Variants in FSTL4 observed in about 807,000 individuals in gnomAD.
FSTL4 encodes the protein follistatin-related protein 4.
FSTL4 carries 28 observed loss-of-function variants against 78.2 expected under a neutral mutation model. The ratio of observed to expected loss-of-function variants is 0.36; its 90% CI spans 0.27 to 0.49. The LOEUF (loss-of-function observed/expected upper bound fraction) is 0.49. FSTL4 is among the 20% of genes least tolerant of loss of function. The probability of loss-of-function intolerance (pLI) is 0.98; values close to 1 mark genes in which losing one functional copy is unlikely to be tolerated. For missense variants in FSTL4, 922 were observed against 1,084.9 expected, an observed-to-expected ratio of 0.85 and a Z score of 2.11; for synonymous variants, 422 against 440.5, an observed-to-expected ratio of 0.96 and a Z score of 0.53.
intron 4 of FSTL4, among the ~76,000 whole-genome samples, chr5:133,328,563 T>A (rs545208246): frequency 1.6e-4 from 24 of 152,274 alleles, no homozygotes; most frequent in African/African-American, 5.8e-4. Flanking sequence ...AGAACTTTAT[T>A]TTTTACTATT....
At chr5:133,527,776 C>T (rs936646531) in intron 3 of FSTL4, among the ~76,000 whole-genome samples, 5 of 152,194 alleles carry the variant, frequency 3.3e-5, no homozygotes, top group African/African-American at 1.2e-4. Context: ...GGAGTGATAA[C>T]CAGCAGGGTG....
chr5:133,613,752 G>A (rs1761153569), upstream of FSTL4, among the ~76,000 whole-genome samples: 1 of 152,146 alleles, frequency 6.6e-6, no homozygotes, highest in Non-Finnish European at 1.5e-5. Context: ...CTCTACTGTA[G>A]GTATCAGTTT....
At chr5:133,750,651 A>G in the FSTL4 span, among the ~76,000 whole-genome samples, 1 of 152,124 alleles carries the variant, frequency 6.6e-6, no homozygotes, top group Admixed American at 6.5e-5. Flanking sequence ...CAGGGGCCCA[A>G]AGGAGCCCAG....
At chr5:133,766,734 G>A in the FSTL4 span, among the ~76,000 whole-genome samples, 396 of 152,300 alleles carry the variant, frequency 2.6e-3, 5 homozygotes, top group African/African-American at 9.0e-3. Flanking sequence ...CCGAGTTCCA[G>A]GTTAGGCACT....
intron 3 of FSTL4, among the ~76,000 whole-genome samples, chr5:133,520,948 G>T (rs1355032074): frequency 1.3e-5 from 2 of 152,132 alleles, no homozygotes; most frequent in Non-Finnish European, 2.9e-5. Context: ...TCCTGAAGAA[G>T]CACCATGTAA....
At chr5:133,775,738 T>C in the FSTL4 span, among the ~76,000 whole-genome samples, 1 of 152,130 alleles carries the variant, frequency 6.6e-6, no homozygotes, top group African/African-American at 2.4e-5. Flanking sequence ...CCACACCTCA[T>C]AGGGAACTTC....
the FSTL4 span, among the ~76,000 whole-genome samples, chr5:133,766,575 T>C: frequency 6.6e-6 from 1 of 152,334 alleles, no homozygotes; most frequent in East Asian, 1.9e-4. Flanking sequence ...GAGACTCAAC[T>C]GGTCTCCATA....
intron 12 of FSTL4, 69 bp from the exon 13 acceptor site, chr5:133,217,447 C>CT: frequency 7.1e-7 from 1 of 1,413,786 alleles, no homozygotes. Context: ...TAGGTACTCT[C>CT]TCCCCTGACC....
chr5:133,798,622 A>G, the FSTL4 span, among the ~76,000 whole-genome samples: 2 of 152,050 alleles, frequency 1.3e-5, no homozygotes, highest in Non-Finnish European at 2.9e-5. Context: ...CTCCCAGTCA[A>G]TCCTCATGCA....
chr5:133,573,756 C>A (rs763825070), intron 2 of FSTL4, among the ~76,000 whole-genome samples: 27 of 152,238 alleles, frequency 1.8e-4, no homozygotes, highest in South Asian at 4.1e-4. Flanking sequence ...AAACACTGTA[C>A]CAAATAGCAC....
At chr5:133,554,931 T>C (rs1432496645) in intron 3 of FSTL4, among the ~76,000 whole-genome samples, 1 of 152,158 alleles carries the variant, frequency 6.6e-6, no homozygotes, top group African/African-American at 2.4e-5. Flanking sequence ...AGTCTGGGTT[T>C]CAGTAGCAGG....
chr5:133,221,089 C>T (rs1338702381), intron 11 of FSTL4: 1 of 631,820 alleles, frequency 1.6e-6, no homozygotes, highest in African/African-American at 1.8e-5. Context: ...ATGTCACAGG[C>T]TACGTACAGC....
At chr5:133,700,311 T>C in the FSTL4 span, among the ~76,000 whole-genome samples, 29 of 111,286 alleles carry the variant, frequency 2.6e-4, no homozygotes, top group African/African-American at 9.6e-4. Context: ...CACCAAAACA[T>C]CACACCAAAA....
At chr5:133,617,455 C>T (rs976828006), upstream of FSTL4, among the ~76,000 whole-genome samples, 3 of 152,132 alleles carry the variant, frequency 2.0e-5, no homozygotes, top group African/African-American at 7.2e-5. Flanking sequence ...CAGTTAATGC[C>T]CTGAGGGCTG....
chr5:133,484,361 A>C (rs1332989253), intron 3 of FSTL4, among the ~76,000 whole-genome samples: 1 of 152,226 alleles, frequency 6.6e-6, no homozygotes, highest in Non-Finnish European at 1.5e-5. Flanking sequence ...CTTTTTAAGA[A>C]ATAGAGTTTT....
intron 6 of FSTL4, among the ~76,000 whole-genome samples, chr5:133,255,797 C>A (rs1752366654): frequency 6.6e-6 from 1 of 152,194 alleles, no homozygotes; most frequent in Non-Finnish European, 1.5e-5. Context: ...AACACCCTTC[C>A]TGAAAGCAGG....
chr5:133,489,995 C>G (rs1234239458), intron 3 of FSTL4, among the ~76,000 whole-genome samples: 1 of 152,236 alleles, frequency 6.6e-6, no homozygotes, highest in East Asian at 1.9e-4. Flanking sequence ...CCTTGACTGC[C>G]AGGAAACATC....
intron 3 of FSTL4, among the ~76,000 whole-genome samples, chr5:133,493,199 G>A (rs996996146): frequency 6.6e-6 from 1 of 152,142 alleles, no homozygotes; most frequent in South Asian, 2.1e-4. Flanking sequence ...CAGTGTGTGA[G>A]TCTGGGGTTA....
At chr5:133,599,406 G>C (rs1020175537) in intron 2 of FSTL4, among the ~76,000 whole-genome samples, 1 of 152,134 alleles carries the variant, frequency 6.6e-6, no homozygotes, top group Non-Finnish European at 1.5e-5. Context: ...TCATGTTTAA[G>C]TTAGCTGACA....
Sources: gnomAD v4.1 joint callset for allele counts (sites outside exome capture counted in the v4.1 genomes callset) on GRCh38, gnomAD v4.1.1 for gene constraint, MANE v1.5 for transcripts, NCBI Gene and HGNC (gene_info 2026-07-23, HGNC 2026-07-21) for gene names.